GAN: variants seen among roughly 807,000 people sequenced by gnomAD.
The protein encoded by GAN is gigaxonin.
A neutral mutation model predicts 71.3 loss-of-function variants in GAN; 48 were observed. The ratio of observed to expected loss-of-function variants is 0.67; its 90% CI spans 0.53 to 0.86. GAN has a LOEUF of 0.86. GAN is among the 40% of genes least tolerant of loss of function. GAN has a pLI of 0.00. For missense variants in GAN, 928 were observed against 770.1 expected, an observed-to-expected ratio of 1.21 and a Z score of -2.43; for synonymous variants, 386 against 276.8, an observed-to-expected ratio of 1.39 and a Z score of -3.92.
chr16:81,340,216 G>A (rs1408453344), intron 1 of GAN, among the ~76,000 whole-genome samples: 4 of 152,136 alleles, frequency 2.6e-5, no homozygotes, highest in Non-Finnish European at 5.9e-5. Context: ...CCGGATTACA[G>A]GCGTGAGCCA....
At position 81,383,343 on chromosome 16, in the gene GAN, C is replaced by T. The variant is rs1406624672; in HGVS notation, c.*5747C>T. 7.5e-5 allele frequency: 11 copies of T among 145,960 alleles called. No homozygotes were observed. 9.0% of individuals were successfully genotyped at this position (145,960 alleles called of 1,614,324 possible). A position where few individuals can be genotyped will look rare whatever the true frequency, so the allele number is the denominator to read the frequency against. On this transcript the variant is annotated 3_prime_UTR_variant, in exon 11 of 11. Transcript: ENST00000648994. The stretch of plus-strand genomic sequence containing the variant: ...TCTCGGCTCACTGCAATCTCCGCCT[C>T]CTGGGTTCAAGCAATCATCCTGCCT...
chr16:81,335,672 G>A (rs1456588037), intron 1 of GAN, among the ~76,000 whole-genome samples: 2 of 151,232 alleles, frequency 1.3e-5, no homozygotes, highest in African/African-American at 4.9e-5. Context: ...GCTTGAACTC[G>A]GGAGGCGGAG....
At position 81,373,167 on chromosome 16, in the gene GAN, C is replaced by T. The variant is rs76183572; in HGVS notation, c.1503-4052C>T. Among the ~76,000 whole-genome samples the T allele has an allele frequency of 7.6e-3, 1,155 of 152,266 alleles. 36 individuals are homozygous for T. The East Asian group carries it at 0.084, about 11-fold the overall frequency. On this transcript the variant is annotated intron_variant, in intron 9 of 10. Coordinates refer to ENST00000648994, the MANE Select transcript of GAN (RefSeq NM_022041.4). ...TGGTGTTCTTCAGGAAATAATTGTA[C>T]ATTTCTCTTTGACATTGAGATGCCC...
At chr16:81,376,658 A>G (rs1318702805) in intron 9 of GAN, among the ~76,000 whole-genome samples, 2 of 150,712 alleles carry the variant, frequency 1.3e-5, no homozygotes, top group African/African-American at 4.9e-5. Flanking sequence ...ATGTGTGTAT[A>G]TATGTGTGTA....
chr16:81,360,061 G>A (rs59224326), intron 5 of GAN, among the ~76,000 whole-genome samples: 29,634 of 123,958 alleles, frequency 0.24, 4,121 homozygotes, highest in East Asian at 0.59. Flanking sequence ...ATGGATGGAT[G>A]GATGGATAGA....
chr16:81,387,830 A>T lies in GAN; in HGVS notation c.*10234A>T, dbSNP rs1220399505. The T allele has an allele frequency of 6.6e-6, 1 of 151,824 alleles. No individual in the cohort carries two copies. Among genetic ancestry groups the T allele is most frequent in the African/African-American group, 2.4e-5 (1 of 41,130 alleles). 9.4% of individuals were successfully genotyped at this position (151,824 alleles called of 1,614,324 possible). A position where few individuals can be genotyped will look rare whatever the true frequency, so the allele number is the denominator to read the frequency against. Reference sequence around the variant, plus strand: ...GACTCTGTCTCACAAAAAAATAAAAAATTAAAAAAAAAGGTCTGCTCAGAA... The same window carrying T: ...GACTCTGTCTCACAAAAAAATAAAATATTAAAAAAAAAGGTCTGCTCAGAA... On this transcript the variant is annotated 3_prime_UTR_variant, in exon 11 of 11. Transcript: ENST00000648994.
At chr16:81,373,764 GAC>G (rs1185929212) in intron 9 of GAN, among the ~76,000 whole-genome samples, 1 of 151,738 alleles carries the variant, frequency 6.6e-6, no homozygotes, top group Non-Finnish European at 1.5e-5. Flanking sequence ...TTTTTTTTGA[GAC>G]AGAGTCTTGC....
chr16:81,324,028 T>C (rs1234966613), intron 1 of GAN, among the ~76,000 whole-genome samples: 2 of 152,252 alleles, frequency 1.3e-5, no homozygotes, highest in African/African-American at 4.8e-5. Flanking sequence ...TTATGGGTAG[T>C]TTCAGAATCT....
rs184695638 is a variant in GAN, at chr16:81,359,387, G to A, written c.973+1456G>A. ...AGTGAGTGATTGAGGAGGTCCTTCC[G>A]TTTGTCCAGGCTGCATTGTTTTTTT... On this transcript the variant is annotated intron_variant, in intron 5 of 10. Coordinates refer to ENST00000648994, the MANE Select transcript of GAN (RefSeq NM_022041.4). 3.9e-4 allele frequency among the ~76,000 whole-genome samples: 56 copies of A among 142,092 alleles called. 1 individual carries two copies. Among genetic ancestry groups the A allele is most frequent in the Non-Finnish European group, 6.3e-4 (41 of 65,258 alleles). The allele number at this position is 142,092 out of a possible 152,430, so 93.2% of individuals were successfully genotyped here.
chr16:81,376,513 G>GTGTGTGTA (rs1904280792), intron 9 of GAN, among the ~76,000 whole-genome samples: 2 of 134,608 alleles, frequency 1.5e-5, no homozygotes, highest in Non-Finnish European at 3.2e-5. Context: ...GTGTGTGTAT[G>GTGTGTGTA]TGTGTGTGTA....
At chr16:81,338,335 C>G (rs1242158923) in intron 1 of GAN, among the ~76,000 whole-genome samples, 1 of 152,174 alleles carries the variant, frequency 6.6e-6, no homozygotes, top group African/African-American at 2.4e-5. Flanking sequence ...CCTGTAGCCT[C>G]CTGAGGTGGG....
chr16:81,374,981 C>A (rs188586579), intron 9 of GAN, among the ~76,000 whole-genome samples: 30 of 125,930 alleles, frequency 2.4e-4, no homozygotes, highest in Non-Finnish European at 2.8e-4. Flanking sequence ...GTATCATAGA[C>A]CTAAATGTAA....
chr16:81,320,495 A>G (rs1360668959), intron 1 of GAN, among the ~76,000 whole-genome samples: 4 of 152,238 alleles, frequency 2.6e-5, no homozygotes, highest in South Asian at 2.1e-4. Flanking sequence ...TGTGAAGCAA[A>G]GTGATTTCAC....
At chr16:81,370,735 C>G (rs1911011969) in intron 9 of GAN, among the ~76,000 whole-genome samples, 2 of 152,374 alleles carry the variant, frequency 1.3e-5, no homozygotes, top group African/African-American at 4.8e-5. Flanking sequence ...AGTCTGCACC[C>G]TCTGTGAACA....
Position 81,389,440 on chromosome 16 carries a change from G to C in GAN, c.*11844G>C, listed in dbSNP as rs1904500095. ...GCAGCCACTGTTGGGGTGTGTACCA[G>C]CAGCCTGGAAGTGACCAGCAGAGCT... is the stretch of plus-strand genomic sequence containing the variant. On this transcript the variant is annotated 3_prime_UTR_variant, in exon 11 of 11. Coordinates refer to ENST00000648994, the MANE Select transcript of GAN (RefSeq NM_022041.4). The C allele has an allele frequency of 6.6e-6, 1 of 152,228 alleles. No homozygotes were observed. Among genetic ancestry groups the C allele is most frequent in the African/African-American group, 2.4e-5 (1 of 41,450 alleles). The allele number at this position is 152,228 out of a possible 1,614,324, so 9.4% of individuals were successfully genotyped here.
chr16:81,365,293 G>C (rs1910815411), intron 8 of GAN, 57 bp from the exon 9 acceptor site: 13 of 1,611,594 alleles, frequency 8.1e-6, no homozygotes, highest in Non-Finnish European at 1.1e-5. Context: ...AGGAACGCGG[G>C]AGTGAGATCT....
intron 5 of GAN, among the ~76,000 whole-genome samples, chr16:81,360,579 T>A (rs547993854): frequency 6.6e-6 from 1 of 152,282 alleles, no homozygotes; most frequent in Non-Finnish European, 1.5e-5. Flanking sequence ...CCATTGATTT[T>A]TTTTTTTTAA....
At chr16:81,342,705 C>A (rs1909985907) in intron 1 of GAN, among the ~76,000 whole-genome samples, 1 of 152,134 alleles carries the variant, frequency 6.6e-6, no homozygotes, top group Admixed American at 6.5e-5. Flanking sequence ...CACACCCTAG[C>A]ATCACAATTA....
intron 9 of GAN, among the ~76,000 whole-genome samples, chr16:81,376,331 A>G (rs377438280): frequency 4.6e-5 from 7 of 152,242 alleles, no homozygotes; most frequent in African/African-American, 1.7e-4. Flanking sequence ...ATGAATAACA[A>G]ATTCTGGGGC....
Sources: gnomAD v4.1 joint callset for allele counts (sites outside exome capture counted in the v4.1 genomes callset) on GRCh38, gnomAD v4.1.1 for gene constraint, MANE v1.5 for transcripts, NCBI Gene and HGNC (gene_info 2026-07-23, HGNC 2026-07-21) for gene names.